The following CHD6 variants were observed in gnomAD, a reference collection of about 807,000 sequenced individuals.
CHD6 encodes the protein ATP-dependent chromatin remodeler CHD6.
A neutral mutation model predicts 276.9 loss-of-function variants in CHD6; 50 were observed. That is an observed-to-expected ratio of 0.18 (90% CI 0.14 to 0.23). The LOEUF (loss-of-function observed/expected upper bound fraction) is 0.23. CHD6 is among the 10% of genes least tolerant of loss of function. The pLI, the probability that CHD6 is intolerant of heterozygous loss-of-function variation, is 1.00. For missense variants in CHD6, 2,564 were observed against 3,365.8 expected, an observed-to-expected ratio of 0.76 and a Z score of 5.89; for synonymous variants, 1,173 against 1,229.3, an observed-to-expected ratio of 0.95 and a Z score of 0.96.
In CHD6 at chr20:41,454,756, T is replaced by C; in HGVS notation, c.3010-20A>G. On this transcript the variant is annotated intron_variant, in intron 19 of 36. Coordinates refer to ENST00000373233, the MANE Select transcript of CHD6 (RefSeq NM_032221.5). ...GCTAGCCTGTGAAGAAGACAAGAATTAATAAACTGTGCTTGAACACAATAC... is the reference window on the plus strand; with the variant it reads ...GCTAGCCTGTGAAGAAGACAAGAATCAATAAACTGTGCTTGAACACAATAC... 3 of 1,554,430 alleles carry C rather than the reference T, an allele frequency of 1.9e-6. No homozygotes were observed. The highest frequency in any genetic ancestry group is 2.7e-6 in the Non-Finnish European group (3 of 1,128,572).
intron 6 of CHD6, among the ~76,000 whole-genome samples, chr20:41,498,758 G>T (rs2043747427): frequency 6.6e-6 from 1 of 151,424 alleles, no homozygotes. Context: ...TTTCCATTAG[G>T]ACTCATATGG....
intron 11 of CHD6, among the ~76,000 whole-genome samples, chr20:41,490,452 T>C (rs1181267522): frequency 6.6e-6 from 1 of 152,198 alleles, no homozygotes. Context: ...ATAGTAAGTA[T>C]TTGTGTATCT....
At chr20:41,447,258 T>A (rs1345272354) in intron 24 of CHD6, among the ~76,000 whole-genome samples, 4 of 152,200 alleles carry the variant, frequency 2.6e-5, no homozygotes, top group Non-Finnish European at 4.4e-5. Context: ...GCACTCTTGG[T>A]ATTCTGTAGG....
At chr20:41,406,945 C>T (rs75951228) in intron 36 of CHD6, among the ~76,000 whole-genome samples, 2,007 of 152,334 alleles carry the variant, frequency 0.013, 21 homozygotes, top group South Asian at 0.035. Context: ...CATCTTCTTA[C>T]GGTTCTTGCT....
intron 1 of CHD6, among the ~76,000 whole-genome samples, chr20:41,609,488 GAA>G (rs2045863158): frequency 6.6e-6 from 1 of 152,110 alleles, no homozygotes; most frequent in Admixed American, 6.6e-5. Flanking sequence ...GAATTAATGA[GAA>G]AACAGTGCTG....
chr20:41,590,329 A>G (rs562375408), intron 1 of CHD6, among the ~76,000 whole-genome samples: 34 of 152,334 alleles, frequency 2.2e-4, no homozygotes, highest in Non-Finnish European at 2.9e-5. Context: ...CTAAAACACC[A>G]AAAGCAATGG....
chr20:41,458,067 T>C (rs2048431202), intron 17 of CHD6, among the ~76,000 whole-genome samples: 1 of 152,184 alleles, frequency 6.6e-6, no homozygotes. Flanking sequence ...ACAGGTACCT[T>C]TATTTCCTGT....
rs144745354 is a variant in CHD6, at chr20:41,608,951, T to G, written c.-24+9389A>C. Among the ~76,000 whole-genome samples, 22 of 152,276 alleles carry G rather than the reference T, an allele frequency of 1.4e-4. No homozygotes were observed. In the East Asian group the frequency reaches 4.2e-3, roughly 29 times the overall value. On this transcript the variant is annotated intron_variant, in intron 1 of 36. Coordinates refer to ENST00000373233, the MANE Select transcript of CHD6 (RefSeq NM_032221.5). ...AGTGCAGATAAAAATGGACAGAGTG[T>G]GGTTATTTTGTGTGTAGCTTATGAA... is the stretch of plus-strand genomic sequence containing the variant.
chr20:41,489,753 G>A, intron 12 of CHD6, 25 bp downstream of exon 12: 3 of 1,613,396 alleles, frequency 1.9e-6, no homozygotes, highest in East Asian at 2.2e-5. Flanking sequence ...CAGTCCCTGG[G>A]TCTCTGATCT....
intron 27 of CHD6, among the ~76,000 whole-genome samples, chr20:41,431,512 A>G (rs2047536549): frequency 6.6e-6 from 1 of 152,182 alleles, no homozygotes; most frequent in South Asian, 2.1e-4. Context: ...CATTCTCTCT[A>G]TTACTCAATG....
At chr20:41,439,975 A>C in intron 26 of CHD6, 25 bp downstream of exon 26, 1 of 1,612,090 alleles carries the variant, frequency 6.2e-7, no homozygotes. Context: ...ATGTCACATG[A>C]GGGCTGGCCT....
Position 41,416,582 on chromosome 20 carries a change from G to A in CHD6, c.6486+6C>T. The A allele has an allele frequency of 1.2e-6, 2 of 1,607,748 alleles. No individual in the cohort carries two copies. The highest frequency in any genetic ancestry group is 1.7e-6 in the Non-Finnish European group (2 of 1,177,180). Reference sequence around the variant, plus strand: ...TTTTGTGGTCACTCCATTCTTGCCGGCTCACCTTGTGGATCTGGGCCGCCA... The same window carrying A: ...TTTTGTGGTCACTCCATTCTTGCCGACTCACCTTGTGGATCTGGGCCGCCA... On this transcript the variant is annotated splice_donor_region_variant and intron_variant, in intron 33 of 36. Transcript: ENST00000373233.
intron 1 of CHD6, among the ~76,000 whole-genome samples, chr20:41,565,254 C>T (rs2045343030): frequency 1.3e-5 from 2 of 152,092 alleles, no homozygotes; most frequent in Admixed American, 6.5e-5. Flanking sequence ...TGCCACCACA[C>T]CCGGCTAATT....
At position 41,421,785 on chromosome 20, in the gene CHD6, T is replaced by C. The variant is rs1414187430; in HGVS notation, c.4850A>G (p.Gln1617Arg). 3 of 1,614,252 alleles carry C rather than the reference T, an allele frequency of 1.9e-6. No individual in the cohort carries two copies. The highest frequency in any genetic ancestry group is 4.5e-5 in the East Asian group (2 of 44,890). Residue 1617 changes from glutamine (Q) to arginine (R), a missense_variant, in exon 31 of 37, where the codon CAG becomes CGG. Gln to Arg is a conservative substitution (Grantham distance 43). Transcript: ENST00000373233. ...SFLDAYRNYA[Q>R]HKRSGTQAPG... ...TGCCTGGGTGCCAGATCTTTTATGC[T>C]GGGCATAGTTTCTATAGGCATCCAG... is the stretch of plus-strand genomic sequence containing the variant.
intron 23 of CHD6, among the ~76,000 whole-genome samples, chr20:41,448,323 A>T (rs2048131835): frequency 6.6e-6 from 1 of 152,248 alleles, no homozygotes; most frequent in South Asian, 2.1e-4. Context: ...CTGAAGAGTG[A>T]GCAGGGTGAA....
chr20:41,604,816 T>C (rs767458611), intron 1 of CHD6, among the ~76,000 whole-genome samples: 1 of 152,112 alleles, frequency 6.6e-6, no homozygotes, highest in Non-Finnish European at 1.5e-5. Flanking sequence ...TTCATTTCCA[T>C]TTCTGGAATC....
intron 1 of CHD6, among the ~76,000 whole-genome samples, chr20:41,556,131 A>G (rs1234363747): frequency 1.3e-5 from 2 of 152,174 alleles, no homozygotes. Context: ...GCGCACCTGC[A>G]ATCGCAGGCA....
chr20:41,491,980 A>G (rs2043567276), intron 10 of CHD6, among the ~76,000 whole-genome samples, 161 bp from the exon 11 acceptor site: 1 of 152,224 alleles, frequency 6.6e-6, no homozygotes, highest in Non-Finnish European at 1.5e-5. Flanking sequence ...ACTAAGTAGG[A>G]GTCAGGCTGA....
intron 33 of CHD6, among the ~76,000 whole-genome samples, chr20:41,416,259 TC>T (rs1423207109): frequency 6.6e-6 from 1 of 152,020 alleles, no homozygotes; most frequent in East Asian, 1.9e-4. Flanking sequence ...CTTTGCCAGT[TC>T]CCCCCTATCT....
Sources: allele counts gnomAD v4.1 joint callset (sites outside exome capture counted in the v4.1 genomes callset), GRCh38; gene constraint gnomAD v4.1.1; transcripts MANE v1.5; gene names NCBI Gene and HGNC (gene_info 2026-07-23, HGNC 2026-07-21).